GRTP1: variants seen among roughly 807,000 people sequenced by gnomAD.
GRTP1 encodes the protein growth hormone-regulated TBC protein 1.
Under a neutral mutation model 38.1 loss-of-function variants are expected in GRTP1, and 56 were observed. The ratio of observed to expected loss-of-function variants is 1.47; its 90% confidence interval spans 1.19 to 1.84. GRTP1 has a LOEUF of 1.84. Ranked by LOEUF, GRTP1 falls within the 40% of genes most tolerant of loss-of-function variation. The pLI is 0.00. For synonymous variants in GRTP1, 217 were observed against 189.5 expected (o/e 1.14, Z -1.19); for missense variants, 506 against 453.9 (o/e 1.11, Z -1.04).
rs2043220196 is a variant in GRTP1, at chr13:113,349,286, C to T, written c.465+1563G>A. ...TCACTGCAGGCTTGACCTCCCAGACCCAAACGACCCTCTCACCTCAGCCCC... is the reference window on the plus strand; with the variant it reads ...TCACTGCAGGCTTGACCTCCCAGACTCAAACGACCCTCTCACCTCAGCCCC... On this transcript the variant is annotated intron_variant, in intron 4 of 7. Transcript: ENST00000375431. This position sits in a 1 kb window ranked among gnomAD's most constrained non-coding sequence, Gnocchi z 5.0. Among the ~76,000 whole-genome samples the T allele has an allele frequency of 6.6e-6, 1 of 151,912 alleles. No homozygotes were observed.
Position 113,326,078 on chromosome 13 carries a change from C to A in GRTP1, c.576G>T (p.Pro192=), listed in dbSNP as rs201875292. 1 of 1,609,536 alleles carries A rather than the reference C, an allele frequency of 6.2e-7. No homozygotes were observed. Among genetic ancestry groups the A allele is most frequent in the Non-Finnish European group, 8.5e-7 (1 of 1,179,932 alleles). Residue 192 remains proline (P), a synonymous_variant, in exon 6 of 8, where the codon CCG becomes CCT. Transcript: ENST00000375431. The part of the protein sequence containing the change: ...VGRILPDYYS[P]AMLGLKTDQE... The stretch of plus-strand genomic sequence containing the variant: ...GGTCGGTCTTCAGGCCCAGCATGGC[C>A]GGGCTGTAGTAATCTGCCAGGCAAT...
intron 7 of GRTP1, chr13:113,325,028 C>T (rs1051099126): frequency 2.1e-5 from 16 of 754,862 alleles, no homozygotes; most frequent in Non-Finnish European, 2.4e-5. Flanking sequence ...CGGGGTTTCA[C>T]CGTGTTGGCC....
intron 5 of GRTP1, among the ~76,000 whole-genome samples, chr13:113,344,254 C>T (rs566746721): frequency 2.6e-5 from 4 of 152,154 alleles, no homozygotes; most frequent in African/African-American, 9.7e-5. Context: ...AAGTTACCAA[C>T]TGAGGAAGGG....
intron 2 of GRTP1, among the ~76,000 whole-genome samples, chr13:113,362,795 C>T (rs1470776578): frequency 6.6e-6 from 1 of 152,088 alleles, no homozygotes; most frequent in Non-Finnish European, 1.5e-5. Context: ...CTGCTCGGTC[C>T]CTGGAAGCCC....
Position 113,324,519 on chromosome 13 carries a change from C to T in GRTP1, c.980G>A (p.Ser327Asn). The change falls in exon 8 of 8, where the codon AGC becomes AAC. Residue 327 changes from serine (S) to asparagine (N), a missense_variant. Transcript: ENST00000375431. Reference sequence around the variant, plus strand: ...CTGTGCCAGCAGCCGGGCCCTGCAGCTCTCGCGGAGCTTGGCGACGGTGGC... The same window carrying T: ...CTGTGCCAGCAGCCGGGCCCTGCAGTTCTCGCGGAGCTTGGCGACGGTGGC... The part of the protein sequence containing the change: ...SMATVAKLRE[S>N]CRARLLAQG 6.2e-7 allele frequency: 1 copy of T among 1,611,746 alleles called. No homozygotes were observed. The highest frequency in any genetic ancestry group is 8.5e-7 in the Non-Finnish European group (1 of 1,179,156).
At position 113,346,166 on chromosome 13, in the gene GRTP1, C is replaced by G. The variant is rs1236185460; in HGVS notation, c.466-1207G>C. On this transcript the variant is annotated intron_variant, in intron 4 of 7. Transcript: ENST00000375431. ...GACCCGGGAGGACCTCTGTGCCTGA[C>G]AGTGGACCCGGGAGGACCTCTGTGG... Among the ~76,000 whole-genome samples the G allele has an allele frequency of 7.0e-3, 606 of 86,092 alleles. 6 individuals carry two copies. Among genetic ancestry groups the G allele is most frequent in the Admixed American group, 0.033 (279 of 8,348 alleles). The allele number at this position is 86,092 out of a possible 152,430, so 56.5% of individuals were successfully genotyped here. A position where few individuals can be genotyped will look rare whatever the true frequency, so the allele number is the denominator to read the frequency against.
At chr13:113,326,200 C>T in intron 5 of GRTP1, 109 bp from the exon 6 acceptor site, 2 of 1,363,788 alleles carry the variant, frequency 1.5e-6, no homozygotes, top group East Asian at 2.4e-5. Context: ...GAGGACCCCT[C>T]CCAAGAGGGA....
chr13:113,324,744 C>A (rs2042734044), intron 7 of GRTP1, 167 bp from the exon 8 acceptor site: 1 of 1,407,864 alleles, frequency 7.1e-7, no homozygotes, highest in Non-Finnish European at 9.2e-7. Context: ...TCACTCCTGC[C>A]CTGGGGCCTA....
intron 4 of GRTP1, among the ~76,000 whole-genome samples, chr13:113,347,326 G>A (rs374042800): frequency 0.014 from 292 of 21,312 alleles, no homozygotes; most frequent in Middle Eastern, 0.036. Context: ...GTGGCAGAGA[G>A]CAGACCCGGG....
intron 2 of GRTP1, chr13:113,361,853 A>G (rs2043505539): frequency 6.6e-6 from 1 of 152,232 alleles, no homozygotes; most frequent in Admixed American, 6.5e-5. Context: ...AAAGACAGTT[A>G]ACTTTTAAGA....
At chr13:113,335,389 C>T (rs117463889) in intron 5 of GRTP1, among the ~76,000 whole-genome samples, 317 of 151,704 alleles carry the variant, frequency 2.1e-3, no homozygotes, top group Non-Finnish European at 3.8e-3. Context: ...TGCCATTGCA[C>T]TCCAGCCTGA....
At chr13:113,346,323 C>T (rs367832021) in intron 4 of GRTP1, among the ~76,000 whole-genome samples, 1 of 45,366 alleles carries the variant, frequency 2.2e-5, no homozygotes, top group Non-Finnish European at 3.9e-5. Flanking sequence ...AGAGCAGACC[C>T]GGGAGGACCT....
At position 113,325,814 on chromosome 13, in the gene GRTP1, G is replaced by A. The variant is rs140982448; in HGVS notation, c.768C>T (p.Asn256=). 9.2e-4 allele frequency: 1,486 copies of A among 1,614,070 alleles called. 21 individuals carry two copies. The South Asian group carries it at 0.014, about 15-fold the overall frequency. The change falls in exon 7 of 8, where the codon AAC becomes AAT. Residue 256 remains asparagine, a synonymous_variant. Transcript: ENST00000375431. ...TVLRIWDCLF[N]EGSKIIFRVA... is the part of the protein sequence containing the mutation. ...CCCGGAAGATAATCTTCGAGCCTTCGTTAAACAAACAGTCCCAGATCCGAA... is the reference window on the plus strand; with the variant it reads ...CCCGGAAGATAATCTTCGAGCCTTCATTAAACAAACAGTCCCAGATCCGAA...
Position 113,325,225 on chromosome 13 carries a change from TAGGA to T in GRTP1, c.921+432_921+435del, listed in dbSNP as rs1438729542. On this transcript the variant is annotated intron_variant, in intron 7 of 7. Transcript: ENST00000375431. ...GTGGCCCCGAGCCTCCACTCCCTCT[TAGGA>T]AACTACTGACTCCCAGGCCTGAGCC... 3 of 1,157,280 alleles carry T rather than the reference TAGGA, an allele frequency of 2.6e-6. No homozygotes were observed. The African/African-American group carries it at 4.7e-5, about 18-fold the overall frequency. 71.7% of individuals were successfully genotyped at this position (1,157,280 alleles called of 1,614,324 possible).
intron 3 of GRTP1, among the ~76,000 whole-genome samples, chr13:113,352,303 T>A (rs1286262750): frequency 4.9e-5 from 5 of 102,892 alleles, no homozygotes; most frequent in Non-Finnish European, 7.4e-5. Flanking sequence ...TATATATATT[T>A]TATATATATT....
In GRTP1 at chr13:113,363,905, T is replaced by G. The variant is rs2043549841; in HGVS notation, c.38A>C (p.Asp13Ala). ...CTCAGGCCGCTCGAATCCGTACGGG[T>G]CGATCCTGCAAAACCGAGAGAAGGA... ...PAERSRVPRIDPYGFERPEDF... is the reference protein window; with the variant it reads ...PAERSRVPRIAPYGFERPEDF... The change falls in exon 2 of 8, where the codon GAC becomes GCC. Residue 13 changes from aspartate (D) to alanine (A), a missense_variant. Coordinates refer to ENST00000375431, the MANE Select transcript of GRTP1 (RefSeq NM_024719.4). The G allele has an allele frequency of 1.2e-6, 2 of 1,610,242 alleles. No homozygotes were observed.
intron 5 of GRTP1, among the ~76,000 whole-genome samples, chr13:113,334,280 A>ACTGCCCCCCCCCCCCCCCGCC (rs1202504022): frequency 4.9e-5 from 7 of 142,462 alleles, no homozygotes; most frequent in Non-Finnish European, 4.6e-5. Context: ...CACTGCCACG[A>ACTGCCCCCCCCCCCCCCCGCC]CAGCCTCCCG....
chr13:113,344,736 CG>C, intron 5 of GRTP1, 126 bp downstream of exon 5: 1 of 365,038 alleles, frequency 2.7e-6, no homozygotes, highest in South Asian at 2.4e-5. Context: ...AAAAAAAAAA[CG>C]GTTTGTAACC....
Position 113,348,064 on chromosome 13 carries a change from G to C in GRTP1, c.465+2785C>G, listed in dbSNP as rs186720448. Among the ~76,000 whole-genome samples, 4 of 152,306 alleles carry C rather than the reference G, an allele frequency of 2.6e-5. No homozygotes were observed. Among genetic ancestry groups the C allele is most frequent in the Admixed American group, 2.0e-4 (3 of 15,302 alleles). On this transcript the variant is annotated intron_variant, in intron 4 of 7. Coordinates refer to ENST00000375431, the MANE Select transcript of GRTP1 (RefSeq NM_024719.4). The surrounding 1 kb of genome is among the most constrained non-coding windows in gnomAD (Gnocchi z 4.8). ...GACCCGGGAGGATCTCCGTGGCTGA[G>C]AATGGACCCCTTTGAGTGGACAGTG...
Sources: gnomAD v4.1 joint callset for allele counts (sites outside exome capture counted in the v4.1 genomes callset) on GRCh38, gnomAD v4.1.1 for gene constraint, Gnocchi (gnomAD v3.1) non-coding constraint, MANE v1.5 for transcripts, NCBI Gene and HGNC (gene_info 2026-07-23, HGNC 2026-07-21) for gene names.